The following P4HA1 variants were observed in gnomAD, a reference collection of about 807,000 sequenced individuals.
P4HA1 encodes prolyl 4-hydroxylase subunit alpha 1.
In P4HA1, 24 loss-of-function variants were observed where a neutral mutation model predicts 72.8. That is an observed-to-expected ratio of 0.33 (90% CI 0.24 to 0.46). The LOEUF (loss-of-function observed/expected upper bound fraction) is 0.46, where lower values mean the gene tolerates loss of function less well. Among genes scored for constraint, P4HA1 ranks in the 20% least tolerant of loss-of-function variants. P4HA1 has a pLI of 1.00. For synonymous variants in P4HA1, 201 were observed against 218.8 expected (o/e 0.92, Z 0.72); for missense variants, 446 against 640.6 (o/e 0.70, Z 3.28).
At position 73,051,167 on chromosome 10, in the gene P4HA1, A is replaced by G. The variant is rs1446272230; in HGVS notation, c.786T>C (p.Ala262=). 1.9e-6 allele frequency: 3 copies of G among 1,610,738 alleles called. No homozygotes were observed. Residue 262 remains alanine (A), a synonymous_variant, in exon 7 of 15, where the codon GCT becomes GCC. Transcript: ENST00000394890. ...TTTTCTGATCAGATTGGTCATCTGA[A>G]GCAGACTTATTGACATCTTTTTCTT... ...MAKEKDVNKS[A]SDDQSDQKTT...
At chr10:73,011,175 C>A in intron 12 of P4HA1, 138 bp from the exon 13 acceptor site, 1 of 535,286 alleles carries the variant, frequency 1.9e-6, no homozygotes. Flanking sequence ...GTACATGCTA[C>A]TCAGTTTTTC....
At chr10:73,038,065 G>A (rs541929588) in intron 9 of P4HA1, among the ~76,000 whole-genome samples, 1 of 152,102 alleles carries the variant, frequency 6.6e-6, no homozygotes, top group Non-Finnish European at 1.5e-5. Flanking sequence ...AGACCAGCCT[G>A]GGCAACAAAG....
At chr10:73,031,503 T>C (rs557679211) in intron 9 of P4HA1, among the ~76,000 whole-genome samples, 2 of 152,268 alleles carry the variant, frequency 1.3e-5, no homozygotes, top group East Asian at 1.9e-4. Flanking sequence ...TGCTACAACA[T>C]GGATGGAACA....
chr10:73,044,286 A>G (rs1840804336), intron 9 of P4HA1, among the ~76,000 whole-genome samples: 1 of 152,168 alleles, frequency 6.6e-6, no homozygotes, highest in Non-Finnish European at 1.5e-5. Context: ...TTATTTAAAT[A>G]TTTTGAAAAA....
Position 73,093,972 on chromosome 10 carries a change from AC to A in P4HA1, c.-33+2793del, listed in dbSNP as rs1320110843. 9.6e-5 allele frequency among the ~76,000 whole-genome samples: 14 copies of A among 146,156 alleles called. No individual in the cohort carries two copies. In the East Asian group the frequency reaches 2.8e-3, roughly 29 times the overall value. On this transcript the variant is annotated intron_variant, in intron 1 of 14. Transcript: ENST00000394890. ...TTTTTATATATATTCATATATTTAT[AC>A]ACACACAACACATTATGGTTTAATT...
intron 6 of P4HA1, among the ~76,000 whole-genome samples, chr10:73,052,453 C>G (rs1841043488): frequency 6.6e-6 from 1 of 152,148 alleles, no homozygotes; most frequent in African/African-American, 2.4e-5. Flanking sequence ...CTTTGAGTGA[C>G]TGGCTTATAG....
At chr10:73,075,531 C>A (rs1367135104) in intron 1 of P4HA1, among the ~76,000 whole-genome samples, 1 of 151,974 alleles carries the variant, frequency 6.6e-6, no homozygotes, top group Admixed American at 6.6e-5. Context: ...TTTCATATAG[C>A]CTGAAAAATA....
rs186861998 is a variant in P4HA1 at position 73,007,634 on chromosome 10, G to C, written c.*588C>G. ...ACTCAAGTACGTTTAATTCACCACA[G>C]AGGAGCTAAAAGAAAAGAGAGGGGG... On this transcript the variant is annotated 3_prime_UTR_variant, in exon 15 of 15. Transcript: ENST00000394890. The C allele has an allele frequency of 6.6e-6, 1 of 150,740 alleles. No homozygotes were observed. The highest frequency in any genetic ancestry group is 1.9e-4 in the East Asian group (1 of 5,168). The allele number at this position is 150,740 out of a possible 1,614,324, so 9.3% of individuals were successfully genotyped here.
chr10:73,065,946 T>C (rs1348793759), intron 5 of P4HA1, among the ~76,000 whole-genome samples: 2 of 152,040 alleles, frequency 1.3e-5, no homozygotes, highest in Non-Finnish European at 2.9e-5. Flanking sequence ...TAAAAAAAGG[T>C]TGTAGAAAGA....
intron 5 of P4HA1, among the ~76,000 whole-genome samples, chr10:73,061,775 A>T (rs553247702): frequency 6.6e-6 from 1 of 152,162 alleles, no homozygotes. Context: ...CTAAAAAAAA[A>T]TTAAAAATAA....
chr10:73,032,208 A>T (rs562193723), intron 9 of P4HA1, among the ~76,000 whole-genome samples: 9 of 152,320 alleles, frequency 5.9e-5, no homozygotes, highest in African/African-American at 2.2e-4. Context: ...TACAATTAAA[A>T]ATGATTTCCC....
intron 12 of P4HA1, among the ~76,000 whole-genome samples, chr10:73,013,214 G>A (rs917037984): frequency 2.0e-5 from 3 of 152,140 alleles, no homozygotes; most frequent in Non-Finnish European, 2.9e-5. Flanking sequence ...GCTGACATTC[G>A]TCTGCAGTGG....
chr10:73,090,785 G>A (rs900093868), intron 1 of P4HA1, among the ~76,000 whole-genome samples: 4 of 152,034 alleles, frequency 2.6e-5, no homozygotes, highest in African/African-American at 9.7e-5. Flanking sequence ...TGCAGGCCAG[G>A]TGCGGTGGCT....
At chr10:73,018,901 T>C (rs1840070691) in intron 10 of P4HA1, among the ~76,000 whole-genome samples, 1 of 151,968 alleles carries the variant, frequency 6.6e-6, no homozygotes, top group Non-Finnish European at 1.5e-5. Flanking sequence ...CTGCCAATAG[T>C]GACCCTGTAC....
intron 1 of P4HA1, among the ~76,000 whole-genome samples, chr10:73,092,399 GA>G (rs1273936340): frequency 7.4e-6 from 1 of 135,702 alleles, no homozygotes; most frequent in Non-Finnish European, 1.5e-5. Flanking sequence ...ACCCAGGCTA[GA>G]GTGCAATGGT....
At chr10:73,089,710 T>TAAAA (rs10700344) in intron 1 of P4HA1, among the ~76,000 whole-genome samples, 5 of 95,894 alleles carry the variant, frequency 5.2e-5, no homozygotes, top group African/African-American at 1.9e-4. Context: ...TTCCCCGTGC[T>TAAAA]AAAAAAAAAA....
chr10:73,033,482 T>C (rs1439756092), intron 9 of P4HA1, among the ~76,000 whole-genome samples: 1 of 152,212 alleles, frequency 6.6e-6, no homozygotes, highest in Non-Finnish European at 1.5e-5. Flanking sequence ...CCAGCAGTTA[T>C]TGCCTCCCTT....
intron 1 of P4HA1, among the ~76,000 whole-genome samples, chr10:73,092,870 C>T (rs1842065498): frequency 6.6e-6 from 1 of 151,558 alleles, no homozygotes; most frequent in African/African-American, 2.4e-5. Context: ...CCTATAATCC[C>T]AACACTTTGT....
chr10:73,044,016 T>C (rs1246966523), intron 9 of P4HA1: 1 of 1,301,754 alleles, frequency 7.7e-7, no homozygotes, highest in African/African-American at 1.5e-5. Flanking sequence ...TTGGGCTTTT[T>C]GTTTGTTTTG....
Sources: gnomAD v4.1 joint callset for allele counts (sites outside exome capture counted in the v4.1 genomes callset) on GRCh38, gnomAD v4.1.1 for gene constraint, MANE v1.5 for transcripts, NCBI Gene and HGNC (gene_info 2026-07-23, HGNC 2026-07-21) for gene names.